Variants in AGO3 observed in about 807,000 individuals in gnomAD.
The protein encoded by AGO3 is argonaute RISC catalytic component 3, also known as protein argonaute-3.
AGO3 carries 16 observed loss-of-function variants against 105.5 expected under a neutral mutation model. The ratio of observed to expected loss-of-function variants is 0.15; its 90% CI spans 0.10 to 0.23. The LOEUF (loss-of-function observed/expected upper bound fraction) is 0.23, where lower values mean the gene tolerates loss of function less well. AGO3 is among the 10% of genes least tolerant of loss of function. The pLI is 1.00. For missense variants in AGO3, 534 were observed against 1,088.0 expected (o/e 0.49, Z 7.16); for synonymous variants, 340 against 367.3 (o/e 0.93, Z 0.85).
chr1:36,034,048 A>G, intron 12 of AGO3, 126 bp from the exon 13 acceptor site: 1 of 900,652 alleles, frequency 1.1e-6, no homozygotes, highest in South Asian at 2.9e-5. Context: ...CTGTATTGGC[A>G]TAATTTTTGG....
intron 17 of AGO3, among the ~76,000 whole-genome samples, chr1:36,049,024 A>G (rs1292448225): frequency 1.3e-5 from 2 of 152,208 alleles, no homozygotes; most frequent in East Asian, 3.8e-4. Flanking sequence ...GAATTTTTTA[A>G]AAGAATGAAA....
At chr1:36,005,698 C>T in intron 6 of AGO3, 3 of 985,078 alleles carry the variant, frequency 3.0e-6, no homozygotes, top group Non-Finnish European at 3.6e-6. Flanking sequence ...GCAATCAACT[C>T]ATATCACCAC....
intron 12 of AGO3, among the ~76,000 whole-genome samples, chr1:36,028,391 T>TTC (rs1557697661): frequency 1.7e-5 from 1 of 57,178 alleles, no homozygotes; most frequent in East Asian, 7.6e-4. Flanking sequence ...ATGCTATCCC[T>TTC]CCCCCCCCCC....
In AGO3 at chr1:36,062,094, A is replaced by G. The variant is rs1159651402; in HGVS notation, c.*6349A>G. 1 of 151,914 alleles carries G rather than the reference A, an allele frequency of 6.6e-6. No homozygotes were observed. Among genetic ancestry groups the G allele is most frequent in the Non-Finnish European group, 1.5e-5 (1 of 67,934 alleles). The allele number at this position is 151,914 out of a possible 1,614,324, so 9.4% of individuals were successfully genotyped here. Reference sequence around the variant, plus strand: ...TTAACTTTTTAACAAGATTATGGGTATAGTACCAATGTCCAAAGGGAAATG... The same window carrying G: ...TTAACTTTTTAACAAGATTATGGGTGTAGTACCAATGTCCAAAGGGAAATG... On this transcript the variant is annotated 3_prime_UTR_variant, in exon 19 of 19. Transcript: ENST00000373191.
intron 12 of AGO3, among the ~76,000 whole-genome samples, chr1:36,028,457 C>T (rs1641615187): frequency 7.2e-6 from 1 of 138,800 alleles, no homozygotes; most frequent in African/African-American, 2.7e-5. Flanking sequence ...CATGTGTTCT[C>T]ATTGTTCAAT....
intron 9 of AGO3, among the ~76,000 whole-genome samples, chr1:36,011,216 T>C (rs757935245): frequency 3.3e-5 from 5 of 152,178 alleles, no homozygotes; most frequent in Non-Finnish European, 7.4e-5. Flanking sequence ...AACTTAATAA[T>C]ACTTCCAAAA....
At chr1:35,989,036 C>T (rs1647367309) in intron 5 of AGO3, among the ~76,000 whole-genome samples, 1 of 152,146 alleles carries the variant, frequency 6.6e-6, no homozygotes, top group Admixed American at 6.6e-5. Context: ...CTTTATTGAA[C>T]TTGAAATCAG....
intron 5 of AGO3, among the ~76,000 whole-genome samples, chr1:36,002,819 C>G (rs1011437920): frequency 2.1e-5 from 3 of 145,556 alleles, no homozygotes; most frequent in Non-Finnish European, 3.0e-5. Context: ...CTCCTGACCT[C>G]GTGATCCTCC....
intron 16 of AGO3, among the ~76,000 whole-genome samples, chr1:36,041,288 T>C (rs1200416559): frequency 6.3e-5 from 9 of 142,486 alleles, no homozygotes; most frequent in Admixed American, 1.5e-4. Flanking sequence ...GTCGCCCAGG[T>C]TGGAGTGCGG....
rs1640425226 is a variant in AGO3 at position 36,008,202 on chromosome 1, G to A, written c.794-488G>A. ...AAAATGCCTGGAATTTTTTTCTCCTGCTTTATAAATCTTTAAAGGACTTCT... is the reference window on the plus strand; with the variant it reads ...AAAATGCCTGGAATTTTTTTCTCCTACTTTATAAATCTTTAAAGGACTTCT... On this transcript the variant is annotated intron_variant, in intron 6 of 18. Coordinates refer to ENST00000373191, the MANE Select transcript of AGO3 (RefSeq NM_024852.4). The surrounding 1 kb of genome is among the most constrained non-coding windows in gnomAD (Gnocchi z 5.1). Among the ~76,000 whole-genome samples the A allele has an allele frequency of 6.6e-6, 1 of 152,034 alleles. No individual in the cohort carries two copies. Among genetic ancestry groups the A allele is most frequent in the Non-Finnish European group, 1.5e-5 (1 of 67,988 alleles).
chr1:35,933,675 A>G (rs1184752109), intron 1 of AGO3, among the ~76,000 whole-genome samples: 1 of 144,104 alleles, frequency 6.9e-6, no homozygotes, highest in African/African-American at 2.6e-5. Context: ...AAAAAAAATC[A>G]TCATTTGACA....
At chr1:35,975,950 T>C (rs1321471498) in intron 5 of AGO3, among the ~76,000 whole-genome samples, 1 of 151,654 alleles carries the variant, frequency 6.6e-6, no homozygotes, top group Non-Finnish European at 1.5e-5. Context: ...TCTTTTCTTT[T>C]TTCTTTCTTT....
At position 36,057,002 on chromosome 1, in the gene AGO3, A is replaced by G. The variant is rs1355038830; in HGVS notation, c.*1257A>G. 1 of 152,128 alleles carries G rather than the reference A, an allele frequency of 6.6e-6. No homozygotes were observed. The highest frequency in any genetic ancestry group is 2.4e-5 in the African/African-American group (1 of 41,398). 9.4% of individuals were successfully genotyped at this position (152,128 alleles called of 1,614,324 possible). On this transcript the variant is annotated 3_prime_UTR_variant, in exon 19 of 19. Coordinates refer to ENST00000373191, the MANE Select transcript of AGO3 (RefSeq NM_024852.4). ...TGATCCACCCGCCTCGACCTCCCAA[A>G]GTGCTGGGATTACAGGCATGAGCCA... is the stretch of plus-strand genomic sequence containing the variant.
intron 11 of AGO3, among the ~76,000 whole-genome samples, chr1:36,020,814 A>G (rs1165645435): frequency 6.6e-6 from 1 of 151,712 alleles, no homozygotes; most frequent in East Asian, 1.9e-4. Flanking sequence ...GATGGGTTTC[A>G]CCTTGTTGGC....
chr1:36,043,599 A>G, intron 17 of AGO3, 51 bp downstream of exon 17: 2 of 1,402,746 alleles, frequency 1.4e-6, no homozygotes, highest in Non-Finnish European at 2.0e-6. Flanking sequence ...TGTCATTCTT[A>G]CGTGTATTTT....
rs1382691290 is a variant in AGO3 at position 36,008,832 on chromosome 1, G to A, written c.881+55G>A. ...TGTGAGGCAGCTTGCTCTAGTTAGTGGGGTTGGGAGTTTTTCTGGCTCATA... is the reference window on the plus strand; with the variant it reads ...TGTGAGGCAGCTTGCTCTAGTTAGTAGGGTTGGGAGTTTTTCTGGCTCATA... On this transcript the variant is annotated intron_variant, in intron 7 of 18. Transcript: ENST00000373191. The surrounding 1 kb of genome is among the most constrained non-coding windows in gnomAD (Gnocchi z 5.1). 1.2e-6 allele frequency: 2 copies of A among 1,613,980 alleles called. No homozygotes were observed. The highest frequency in any genetic ancestry group is 1.7e-6 in the Non-Finnish European group (2 of 1,179,960).
intron 5 of AGO3, among the ~76,000 whole-genome samples, chr1:35,976,062 A>G (rs1646952441): frequency 6.6e-6 from 1 of 151,762 alleles, no homozygotes; most frequent in African/African-American, 2.4e-5. Flanking sequence ...CAGCCTCCCA[A>G]GCAACTGTGA....
chr1:36,055,949 C>T lies in AGO3; in HGVS notation c.*204C>T, dbSNP rs1642903156. 1 of 497,574 alleles carries T rather than the reference C, an allele frequency of 2.0e-6. No individual in the cohort carries two copies. Among genetic ancestry groups the T allele is most frequent in the Middle Eastern group, 5.2e-4 (1 of 1,912 alleles). 30.8% of individuals were successfully genotyped at this position (497,574 alleles called of 1,614,324 possible). A position where few individuals can be genotyped will look rare whatever the true frequency, so the allele number is the denominator to read the frequency against. ...CACAGCATCATTATGCAATATGAAA[C>T]CAGCCAACTGCTTTTTGTGCGGTCT... On this transcript the variant is annotated 3_prime_UTR_variant, in exon 19 of 19. Transcript: ENST00000373191. The surrounding 1 kb of genome is among the most constrained non-coding windows in gnomAD (Gnocchi z 4.4).
intron 5 of AGO3, among the ~76,000 whole-genome samples, chr1:36,003,272 G>A (rs1640177864): frequency 6.6e-6 from 1 of 151,914 alleles, no homozygotes; most frequent in African/African-American, 2.4e-5. Flanking sequence ...TCTGAGAAAT[G>A]AGTGATGGTG....
Sources: allele counts gnomAD v4.1 joint callset (sites outside exome capture counted in the v4.1 genomes callset), GRCh38; gene constraint gnomAD v4.1.1; non-coding constraint Gnocchi (gnomAD v3.1); transcripts MANE v1.5; gene names NCBI Gene and HGNC (gene_info 2026-07-23, HGNC 2026-07-21).